Variants in AHCTF1 observed in about 807,000 individuals in gnomAD.
AHCTF1 encodes the protein AT-hook containing transcription factor 1.
A neutral mutation model predicts 248.4 loss-of-function variants in AHCTF1; 24 were observed. The observed-to-expected ratio is 0.10, with a 90% CI of 0.07 to 0.14. The LOEUF is 0.14. Ranked by LOEUF, AHCTF1 falls within the 10% of genes least tolerant of loss-of-function variation. The pLI is 1.00. For missense variants in AHCTF1, 2,206 were observed against 2,636.2 expected (o/e 0.84, Z 3.57); for synonymous variants, 786 against 929.8 (o/e 0.85, Z 2.81).
intron 21 of AHCTF1, among the ~76,000 whole-genome samples, chr1:246,883,720 G>A (rs1222428176): frequency 6.6e-6 from 1 of 152,112 alleles, no homozygotes; most frequent in Non-Finnish European, 1.5e-5. Flanking sequence ...ATAGCATTTT[G>A]AGTGGTTGTT....
intron 21 of AHCTF1, among the ~76,000 whole-genome samples, chr1:246,882,436 A>G (rs952489170): frequency 1.3e-5 from 2 of 152,358 alleles, no homozygotes; most frequent in East Asian, 3.9e-4. Flanking sequence ...TAAAACTTCT[A>G]AATCATAGAT....
rs765788804 is a variant in AHCTF1 at position 246,861,942 on chromosome 1, A to G, written c.3735+17T>C. The G allele has an allele frequency of 6.3e-7, 1 of 1,594,474 alleles. No homozygotes were observed. Among genetic ancestry groups the G allele is most frequent in the Non-Finnish European group, 8.6e-7 (1 of 1,169,266 alleles). ...TTATTAAAAAATGTCTTTTCTCCCA[A>G]TTATTATCAAACTTACCCCAGGAAT... On this transcript the variant is annotated intron_variant, in intron 28 of 35. Transcript: ENST00000648844.
At chr1:246,914,806 T>A (rs1302870718) in intron 3 of AHCTF1, among the ~76,000 whole-genome samples, 6 of 152,174 alleles carry the variant, frequency 3.9e-5, no homozygotes, top group Admixed American at 3.9e-4. Flanking sequence ...AGCAACCAGT[T>A]CAGGAACCTT....
Position 246,842,758 on chromosome 1 carries a change from C to CTGAT in AHCTF1, c.6540_6543dup (p.Val2182IlefsTer46). 6.2e-7 allele frequency: 1 copy of CTGAT among 1,613,628 alleles called. No individual in the cohort carries two copies. The highest frequency in any genetic ancestry group is 2.2e-5 in the East Asian group (1 of 44,864). ...GCTTTTGGCTTTCCCAGAGTTTCTA[C>CTGAT]TGATTGTGCATCATCTTTCTATGGG... On this transcript the variant is annotated frameshift_variant, in exon 35 of 36. Coordinates refer to ENST00000648844, the MANE Select transcript of AHCTF1 (RefSeq NM_001323342.2). LOFTEE classifies it high-confidence loss of function.
intron 24 of AHCTF1, among the ~76,000 whole-genome samples, chr1:246,873,705 A>G (rs1045067015): frequency 2.0e-5 from 3 of 152,212 alleles, no homozygotes; most frequent in Non-Finnish European, 4.4e-5. Flanking sequence ...TATACTGAAT[A>G]TACTAGAGAC....
intron 1 of AHCTF1, among the ~76,000 whole-genome samples, chr1:246,922,924 A>T (rs539919650): frequency 1.4e-5 from 2 of 145,376 alleles, no homozygotes; most frequent in East Asian, 4.2e-4. Flanking sequence ...CGGAGTTTGC[A>T]GTGAGCCGAG....
At chr1:246,883,268 G>A (rs909785796) in intron 21 of AHCTF1, among the ~76,000 whole-genome samples, 9 of 152,134 alleles carry the variant, frequency 5.9e-5, no homozygotes, top group East Asian at 1.9e-4. Flanking sequence ...TTAACTTCTC[G>A]GACTTTTAGT....
chr1:246,927,168 ACT>A (rs756867330), intron 1 of AHCTF1, among the ~76,000 whole-genome samples: 27 of 149,272 alleles, frequency 1.8e-4, no homozygotes, highest in Non-Finnish European at 1.0e-4. Context: ...ACAGAGCGAG[ACT>A]CTGTCTCAAA....
chr1:246,844,802 A>AGACT (rs1377752057), intron 33 of AHCTF1, among the ~76,000 whole-genome samples: 1 of 143,052 alleles, frequency 7.0e-6, no homozygotes, highest in Non-Finnish European at 1.5e-5. Context: ...TTTACCACAC[A>AGACT]GACTTTTTTT....
intron 1 of AHCTF1, chr1:246,931,235 A>G: frequency 6.5e-7 from 1 of 1,550,068 alleles, no homozygotes. Flanking sequence ...ATCGCGTGGG[A>G]GAACAGTGGG....
intron 4 of AHCTF1, among the ~76,000 whole-genome samples, chr1:246,912,977 A>C (rs993750840): frequency 6.6e-6 from 1 of 152,234 alleles, no homozygotes; most frequent in East Asian, 1.9e-4. Flanking sequence ...AAAATCAATT[A>C]TCACTACCTT....
At chr1:246,913,156 A>T in intron 4 of AHCTF1, 76 bp downstream of exon 4, 1 of 1,307,414 alleles carries the variant, frequency 7.6e-7, no homozygotes, top group Non-Finnish European at 1.0e-6. Flanking sequence ...CTATAAAAAA[A>T]TTTGGCTACT....
At chr1:246,918,119 G>C in intron 2 of AHCTF1, 131 bp downstream of exon 2, 2 of 723,308 alleles carry the variant, frequency 2.8e-6, no homozygotes, top group Non-Finnish European at 4.0e-6. Flanking sequence ...TGTAACTGTA[G>C]ATGTTACATA....
chr1:246,843,664 T>C, intron 34 of AHCTF1, 131 bp downstream of exon 34: 1 of 835,028 alleles, frequency 1.2e-6, no homozygotes, highest in Middle Eastern at 5.0e-4. Flanking sequence ...CTGTTATCTT[T>C]AAGACATTTA....
intron 4 of AHCTF1, among the ~76,000 whole-genome samples, chr1:246,911,466 A>T (rs1028090354): frequency 1.4e-5 from 2 of 147,038 alleles, no homozygotes; most frequent in Admixed American, 1.4e-4. Context: ...TATAGTGTCT[A>T]TCTATGAAGA....
In AHCTF1 at chr1:246,907,777, C is replaced by A. The variant is rs367765009; in HGVS notation, c.557-19G>T. On this transcript the variant is annotated intron_variant, in intron 4 of 35. Coordinates refer to ENST00000648844, the MANE Select transcript of AHCTF1 (RefSeq NM_001323342.2). ...TCAAGATCTAAAACCACAAATTAGA[C>A]AAATGAAGTTAAAAAACTAGAAACA... 3 of 1,591,912 alleles carry A rather than the reference C, an allele frequency of 1.9e-6. No homozygotes were observed. The highest frequency in any genetic ancestry group is 2.2e-5 in the East Asian group (1 of 44,602).
intron 31 of AHCTF1, among the ~76,000 whole-genome samples, chr1:246,853,753 T>A (rs1443313967): frequency 1.3e-5 from 2 of 152,144 alleles, no homozygotes; most frequent in Non-Finnish European, 2.9e-5. Context: ...CTCTACTACT[T>A]TAAAATCCTT....
chr1:246,929,984 G>C (rs1297270949), intron 1 of AHCTF1, among the ~76,000 whole-genome samples: 1 of 151,914 alleles, frequency 6.6e-6, no homozygotes, highest in Non-Finnish European at 1.5e-5. Context: ...CCTGGGAGAC[G>C]GAGGTTGCAG....
chr1:246,880,210 C>T (rs1343748322), intron 21 of AHCTF1, among the ~76,000 whole-genome samples: 4 of 150,920 alleles, frequency 2.7e-5, no homozygotes, highest in Non-Finnish European at 4.4e-5. Context: ...TTATCAAAAA[C>T]AATATGTTAT....
Sources: gnomAD v4.1 joint callset for allele counts (sites outside exome capture counted in the v4.1 genomes callset) on GRCh38, gnomAD v4.1.1 for gene constraint, MANE v1.5 for transcripts, NCBI Gene and HGNC (gene_info 2026-07-23, HGNC 2026-07-21) for gene names.